S100PBP: variants seen among roughly 807,000 people sequenced by gnomAD.
The protein encoded by S100PBP is S100P binding protein.
In S100PBP, 15 loss-of-function variants were observed where a neutral mutation model predicts 39.9. The ratio of observed to expected loss-of-function variants is 0.38; its 90% CI spans 0.25 to 0.58. S100PBP has a LOEUF of 0.58. S100PBP is among the 20% of genes least tolerant of loss of function. The probability of loss-of-function intolerance (pLI) is 0.70; values close to 1 mark genes in which losing one functional copy is unlikely to be tolerated. For missense variants in S100PBP, 504 were observed against 487.3 expected, an observed-to-expected ratio of 1.03 and a Z score of -0.32; for synonymous variants, 178 against 180.3, an observed-to-expected ratio of 0.99 and a Z score of 0.10.
At chr1:32,854,403 T>C (rs1640743008) in intron 6 of S100PBP, among the ~76,000 whole-genome samples, 2 of 152,200 alleles carry the variant, frequency 1.3e-5, no homozygotes, top group Non-Finnish European at 2.9e-5. Context: ...TAGGAAATAA[T>C]GACAAGGAAA....
intron 1 of S100PBP, among the ~76,000 whole-genome samples, chr1:32,824,205 CAAA>C (rs35200829): frequency 1.3e-4 from 17 of 129,424 alleles, no homozygotes; most frequent in South Asian, 2.4e-4. Context: ...GACTCCGTCT[CAAA>C]AAAAAAAAAA....
chr1:32,840,276 G>A (rs1013544552), intron 5 of S100PBP, among the ~76,000 whole-genome samples: 4 of 149,202 alleles, frequency 2.7e-5, no homozygotes, highest in African/African-American at 7.4e-5. Flanking sequence ...TTGAGCCACC[G>A]CACTCGGCCT....
At position 32,826,608 on chromosome 1, in the gene S100PBP, A is replaced by G; in HGVS notation, c.509A>G (p.Asp170Gly). 1 of 1,614,022 alleles carries G rather than the reference A, an allele frequency of 6.2e-7. No homozygotes were observed. The highest frequency in any genetic ancestry group is 1.3e-5 in the African/African-American group (1 of 75,034). ...LDKDETDSSK[D>G]TEKLSSLGEE... ...AAGGACGAGACTGATTCGTCCAAAG[A>G]TACTGAAAAACTCTCTTCCCTTGGA... is the stretch of plus-strand genomic sequence containing the variant. Residue 170 changes from aspartate (D) to glycine (G), a missense_variant, in exon 3 of 7, where the codon GAT (aspartate) becomes GGT (glycine). Coordinates refer to ENST00000373475, the MANE Select transcript of S100PBP (RefSeq NM_022753.4).
chr1:32,838,444 C>T (rs1385959818), intron 5 of S100PBP, among the ~76,000 whole-genome samples: 1 of 152,094 alleles, frequency 6.6e-6, no homozygotes, highest in East Asian at 1.9e-4. Flanking sequence ...TGCCCCCAGC[C>T]TTACCAACAA....
intron 3 of S100PBP, among the ~76,000 whole-genome samples, chr1:32,827,525 T>C (rs980370985): frequency 3.9e-5 from 6 of 152,224 alleles, no homozygotes; most frequent in African/African-American, 1.2e-4. Flanking sequence ...ACTCTGTCCC[T>C]CAGGCTGCAG....
Position 32,830,920 on chromosome 1 carries a change from G to GA in S100PBP, c.1024+863dup, listed in dbSNP as rs752482491. Among the ~76,000 whole-genome samples, 665 of 149,310 alleles carry GA rather than the reference G, an allele frequency of 4.5e-3. 6 individuals carry two copies. The highest frequency in any genetic ancestry group is 0.012 in the East Asian group (64 of 5,136). On this transcript the variant is annotated intron_variant, in intron 5 of 6. Transcript: ENST00000373475. ...AATTAGCCGGATCATATTCTTTTGG[G>GA]AAAAAAAAAATTAGCCAGGCGTGGT...
At chr1:32,851,176 C>T (rs1640592521) in intron 5 of S100PBP, among the ~76,000 whole-genome samples, 2 of 152,136 alleles carry the variant, frequency 1.3e-5, no homozygotes, top group Non-Finnish European at 2.9e-5. Context: ...TATACTTTCT[C>T]TACAAAGCTC....
intron 5 of S100PBP, among the ~76,000 whole-genome samples, chr1:32,851,980 C>T (rs1640629267): frequency 6.6e-6 from 1 of 152,152 alleles, no homozygotes; most frequent in Non-Finnish European, 1.5e-5. Flanking sequence ...AGCATTATTG[C>T]ATAGTGGCAA....
chr1:32,838,843 CAAAA>C (rs745436929), intron 5 of S100PBP, among the ~76,000 whole-genome samples: 4 of 104,762 alleles, frequency 3.8e-5, no homozygotes, highest in African/African-American at 1.1e-4. Flanking sequence ...AACTCCGTCT[CAAAA>C]AAAAAAAAAA....
Position 32,853,083 on chromosome 1 carries a change from C to T in S100PBP, c.1029C>T (p.Ile343=), listed in dbSNP as rs1470688552. ...ACTGATCCCTCTGTATCACAGGTAT[C>T]TCGGGGGAGCTTTGTGCCTTGATGG... The part of the protein sequence containing the change: ...IEDPEDTNQG[I]SGELCALMDQ... Residue 343 remains isoleucine, a synonymous_variant, in exon 6 of 7, where the codon ATC becomes ATT. Transcript: ENST00000373475. 6.2e-7 allele frequency: 1 copy of T among 1,612,216 alleles called. No homozygotes were observed. The highest frequency in any genetic ancestry group is 2.2e-5 in the East Asian group (1 of 44,874).
chr1:32,844,243 G>A (rs115813319), intron 5 of S100PBP, among the ~76,000 whole-genome samples: 3 of 152,190 alleles, frequency 2.0e-5, no homozygotes, highest in African/African-American at 7.2e-5. Flanking sequence ...GCAGAGGTGG[G>A]GTTTTGCTAT....
At chr1:32,816,919 G>T (rs116562938), upstream of S100PBP, 5 of 589,930 alleles carry the variant, frequency 8.5e-6, no homozygotes, top group African/African-American at 5.6e-5. Flanking sequence ...CACTTAATAG[G>T]GGGGTGGAAT....
At chr1:32,845,442 A>G (rs976128252) in intron 5 of S100PBP, among the ~76,000 whole-genome samples, 1 of 151,968 alleles carries the variant, frequency 6.6e-6, no homozygotes, top group Non-Finnish European at 1.5e-5. Flanking sequence ...TCTCAAAAAA[A>G]AAAAGTTAAA....
upstream of S100PBP, chr1:32,817,136 G>C: frequency 1.2e-6 from 2 of 1,609,218 alleles, no homozygotes; most frequent in South Asian, 2.2e-5. Flanking sequence ...CAAAATCACT[G>C]AACCTCGGGC....
At chr1:32,844,593 C>T (rs760685150) in intron 5 of S100PBP, among the ~76,000 whole-genome samples, 14 of 151,970 alleles carry the variant, frequency 9.2e-5, no homozygotes, top group South Asian at 4.2e-4. Context: ...ACTCTTACCT[C>T]GGCCTCCAGA....
intron 5 of S100PBP, chr1:32,847,016 G>A (rs1405099327): frequency 6.6e-6 from 1 of 151,930 alleles, no homozygotes; most frequent in East Asian, 1.9e-4. Context: ...CCAACCTCAG[G>A]TGATCCGCCC....
intron 6 of S100PBP, among the ~76,000 whole-genome samples, chr1:32,854,744 A>G (rs904592815): frequency 6.6e-6 from 1 of 152,128 alleles, no homozygotes; most frequent in Admixed American, 6.5e-5. Context: ...AAAGGCCTAT[A>G]TGCTTTGGCC....
intron 5 of S100PBP, 57 bp downstream of exon 5, chr1:32,830,124 G>GGT: frequency 9.4e-7 from 1 of 1,058,970 alleles, no homozygotes; most frequent in Non-Finnish European, 1.5e-6. Flanking sequence ...TTCTCTTTCC[G>GGT]GTGTAACAGC....
At chr1:32,840,967 T>G (rs1439889658) in intron 5 of S100PBP, among the ~76,000 whole-genome samples, 6 of 151,674 alleles carry the variant, frequency 4.0e-5, no homozygotes, top group African/African-American at 1.5e-4. Flanking sequence ...GAGGCCGTCC[T>G]GGCTAACACG....
Sources: gnomAD v4.1 joint callset for allele counts (sites outside exome capture counted in the v4.1 genomes callset) on GRCh38, gnomAD v4.1.1 for gene constraint, MANE v1.5 for transcripts, NCBI Gene and HGNC (gene_info 2026-07-23, HGNC 2026-07-21) for gene names.